ANO6: variants seen among roughly 807,000 people sequenced by gnomAD.
ANO6 encodes anoctamin-6.
A neutral mutation model predicts 117.5 loss-of-function variants in ANO6; 106 were observed. The observed-to-expected ratio is 0.90, with a 90% CI of 0.77 to 1.06. The LOEUF (loss-of-function observed/expected upper bound fraction) is 1.06. ANO6 is among the 50% of genes least tolerant of loss of function. ANO6 has a pLI of 0.00. For missense variants in ANO6, 955 were observed against 1,121.1 expected, an observed-to-expected ratio of 0.85 and a Z score of 2.12; for synonymous variants, 367 against 385.1, an observed-to-expected ratio of 0.95 and a Z score of 0.55.
intron 1 of ANO6, among the ~76,000 whole-genome samples, chr12:45,266,805 AGTGTGTGTGTGT>A (rs57682251): frequency 3.2e-4 from 47 of 145,766 alleles, no homozygotes; most frequent in East Asian, 6.1e-4. Context: ...TCAAAAAACA[AGTGTGTGTGTGT>A]GTGTGTGTGT....
rs535609619 is a variant in ANO6 at position 45,398,735 on chromosome 12, G to C, written c.1387-3060G>C. ...AAGATTTTTTAAGGCACATAAAAAT[G>C]CTTATGGTTTATGATAGGTTTAAGG... On this transcript the variant is annotated intron_variant, in intron 12 of 19. Transcript: ENST00000320560. 5.3e-5 allele frequency among the ~76,000 whole-genome samples: 8 copies of C among 152,264 alleles called. No individual in the cohort carries two copies. In the South Asian group the frequency reaches 1.7e-3, roughly 32 times the overall value.
chr12:45,348,017 T>C lies in ANO6; in HGVS notation c.346-11T>C. Reference sequence around the variant, plus strand: ...GGTTTCTTGTTCTGCGTTTTTATTTTTCCAATATAGGTATTGGATGACAAG... The same window carrying C: ...GGTTTCTTGTTCTGCGTTTTTATTTCTCCAATATAGGTATTGGATGACAAG... On this transcript the variant is annotated splice_polypyrimidine_tract_variant and intron_variant, in intron 4 of 19. Coordinates refer to ENST00000320560, the MANE Select transcript of ANO6 (RefSeq NM_001025356.3). 1 of 1,611,770 alleles carries C rather than the reference T, an allele frequency of 6.2e-7. No individual in the cohort carries two copies. Among genetic ancestry groups the C allele is most frequent in the Non-Finnish European group, 8.5e-7 (1 of 1,178,600 alleles).
At chr12:45,423,392 A>C (rs1943416529) in intron 19 of ANO6, among the ~76,000 whole-genome samples, 1 of 152,208 alleles carries the variant, frequency 6.6e-6, no homozygotes, top group Non-Finnish European at 1.5e-5. Flanking sequence ...TCTGCCTGTG[A>C]GAAACTTTTA....
downstream of ANO6, among the ~76,000 whole-genome samples, chr12:45,432,914 A>T (rs1943663949): frequency 6.6e-6 from 1 of 152,142 alleles, no homozygotes; most frequent in South Asian, 2.1e-4. Flanking sequence ...AACTCTATCC[A>T]CACCCTGCCC....
chr12:45,290,578 A>G (rs960771168), intron 1 of ANO6, among the ~76,000 whole-genome samples: 2 of 152,218 alleles, frequency 1.3e-5, no homozygotes, highest in East Asian at 1.9e-4. Context: ...CTGTGAAGCA[A>G]TAGTAGTAGT....
At chr12:45,320,017 T>C (rs1394348021) in intron 2 of ANO6, among the ~76,000 whole-genome samples, 2 of 152,198 alleles carry the variant, frequency 1.3e-5, no homozygotes, top group South Asian at 2.1e-4. Context: ...TTTTATTCCT[T>C]ATTAGTCTTG....
chr12:45,339,758 A>T (rs1565702203), intron 3 of ANO6, among the ~76,000 whole-genome samples: 2 of 151,850 alleles, frequency 1.3e-5, no homozygotes, highest in African/African-American at 2.4e-5. Flanking sequence ...AATTAGACTA[A>T]TTTTTTTTCC....
chr12:45,350,331 C>T (rs1265504811), intron 6 of ANO6, among the ~76,000 whole-genome samples: 1 of 152,074 alleles, frequency 6.6e-6, no homozygotes, highest in Non-Finnish European at 1.5e-5. Context: ...GTGATTTGGG[C>T]ACTTGGGTGG....
intron 18 of ANO6, among the ~76,000 whole-genome samples, chr12:45,422,030 A>C (rs1278811703): frequency 6.6e-6 from 1 of 152,208 alleles, no homozygotes; most frequent in African/African-American, 2.4e-5. Context: ...AATAAGCCCA[A>C]AATAAATGTT....
In ANO6 at chr12:45,294,460, T is replaced by C. The variant is rs562526162; in HGVS notation, c.71-7554T>C. Among the ~76,000 whole-genome samples the C allele has an allele frequency of 2.6e-5, 4 of 152,282 alleles. No individual in the cohort carries two copies. In the East Asian group the frequency reaches 5.8e-4, roughly 22 times the overall value. On this transcript the variant is annotated intron_variant, in intron 1 of 19. Transcript: ENST00000320560. ...TGAAGTGGTAATAATTGTAGAAATA[T>C]CTTTGTTGAGAAGGGGGCCAGGTGC...
chr12:45,319,139 C>A (rs1439168189), intron 2 of ANO6, among the ~76,000 whole-genome samples: 1 of 152,188 alleles, frequency 6.6e-6, no homozygotes, highest in African/African-American at 2.4e-5. Context: ...CTGGCCAGAA[C>A]TTCCAACACT....
chr12:45,414,239 A>G (rs1015286294), intron 16 of ANO6, among the ~76,000 whole-genome samples: 1 of 152,012 alleles, frequency 6.6e-6, no homozygotes, highest in Non-Finnish European at 1.5e-5. Flanking sequence ...TAGGATTATG[A>G]AAAAGTTGCA....
intron 2 of ANO6, among the ~76,000 whole-genome samples, chr12:45,315,736 C>A (rs536401249): frequency 6.6e-6 from 1 of 152,156 alleles, no homozygotes; most frequent in East Asian, 1.9e-4. Context: ...TCCTCCTAAT[C>A]TTTTTTCTCT....
chr12:45,412,918 G>A (rs1943122446), intron 16 of ANO6, among the ~76,000 whole-genome samples: 1 of 152,156 alleles, frequency 6.6e-6, no homozygotes, highest in Non-Finnish European at 1.5e-5. Flanking sequence ...CTAAAGTATG[G>A]TGAAGAGAAT....
chr12:45,310,906 C>T (rs1487569591), intron 2 of ANO6, among the ~76,000 whole-genome samples: 1 of 151,878 alleles, frequency 6.6e-6, no homozygotes. Flanking sequence ...TCTCCATATT[C>T]CAGAATGAGA....
intron 1 of ANO6, among the ~76,000 whole-genome samples, chr12:45,288,182 A>G (rs1392067685): frequency 6.6e-6 from 1 of 152,170 alleles, no homozygotes; most frequent in Non-Finnish European, 1.5e-5. Context: ...AGCCTACAAC[A>G]GCTAAAGGAT....
chr12:45,429,855 C>T lies in ANO6; in HGVS notation c.*544C>T. On this transcript the variant is annotated 3_prime_UTR_variant, in exon 20 of 20. Coordinates refer to ENST00000320560, the MANE Select transcript of ANO6 (RefSeq NM_001025356.3). ...ATTTTCAATACCTCCAGAAAGGAAACCTCAGTTAATCAGAGGAAATAGTTT... is the reference window on the plus strand; with the variant it reads ...ATTTTCAATACCTCCAGAAAGGAAATCTCAGTTAATCAGAGGAAATAGTTT... The T allele has an allele frequency of 1.0e-6, 1 of 989,244 alleles. No homozygotes were observed. Among genetic ancestry groups the T allele is most frequent in the Non-Finnish European group, 1.2e-6 (1 of 832,254 alleles). The allele number at this position is 989,244 out of a possible 1,614,324, so 61.3% of individuals were successfully genotyped here. A position where few individuals can be genotyped will look rare whatever the true frequency, so the allele number is the denominator to read the frequency against.
At chr12:45,304,115 G>A (rs1270912990) in intron 2 of ANO6, among the ~76,000 whole-genome samples, 1 of 152,146 alleles carries the variant, frequency 6.6e-6, no homozygotes, top group East Asian at 1.9e-4. Flanking sequence ...CATGTAAATA[G>A]CTGCTGTGTT....
At chr12:45,245,749 C>T (rs966792360) in intron 1 of ANO6, among the ~76,000 whole-genome samples, 2 of 151,920 alleles carry the variant, frequency 1.3e-5, no homozygotes, top group Non-Finnish European at 2.9e-5. Flanking sequence ...GTGTGTGGTG[C>T]TAGTAGCTGT....
Sources: allele counts gnomAD v4.1 joint callset (sites outside exome capture counted in the v4.1 genomes callset), GRCh38; gene constraint gnomAD v4.1.1; transcripts MANE v1.5; gene names NCBI Gene and HGNC (gene_info 2026-07-23, HGNC 2026-07-21).